TRPM4: variants seen among roughly 807,000 people sequenced by gnomAD.
The protein encoded by TRPM4 is transient receptor potential cation channel subfamily M member 4, also known as calcium-activated non-selective cation channel 1.
Under a neutral mutation model 135.6 loss-of-function variants are expected in TRPM4, and 124 were observed. That is an observed-to-expected ratio of 0.91 (90% CI 0.79 to 1.06). The LOEUF (loss-of-function observed/expected upper bound fraction) is 1.06, where lower values mean the gene tolerates loss of function less well. Ranked by LOEUF, TRPM4 falls within the 50% of genes least tolerant of loss-of-function variation. TRPM4 has a pLI of 0.00. For missense variants in TRPM4, 1,658 were observed against 1,671.4 expected, an observed-to-expected ratio of 0.99 and a Z score of 0.14; for synonymous variants, 745 against 705.6, an observed-to-expected ratio of 1.06 and a Z score of -0.88.
At position 49,210,553 on chromosome 19, in the gene TRPM4, A is replaced by G; in HGVS notation, c.3328+148A>G. 7.1e-7 allele frequency: 1 copy of G among 1,416,540 alleles called. No individual in the cohort carries two copies. The highest frequency in any genetic ancestry group is 9.8e-7 in the Non-Finnish European group (1 of 1,022,214). The allele number at this position is 1,416,540 out of a possible 1,614,324, so 87.7% of individuals were successfully genotyped here. On this transcript the variant is annotated intron_variant, in intron 21 of 24. Coordinates refer to ENST00000252826, the MANE Select transcript of TRPM4 (RefSeq NM_017636.4). This position sits in a 1 kb window ranked among gnomAD's most constrained non-coding sequence, Gnocchi z 4.1. ...AAGCAACAAGGGGCGGAGCTTAAGC[A>G]CTGAGGGGCAGTGCTTACGGGTGAG...
chr19:49,170,013 TG>T (rs1368990903), intron 6 of TRPM4, among the ~76,000 whole-genome samples: 3 of 152,202 alleles, frequency 2.0e-5, no homozygotes, highest in African/African-American at 4.8e-5. Context: ...TCCAATTTTC[TG>T]GGAATACAAG....
chr19:49,164,289 CCCTCCCTT>C (rs199582686), intron 2 of TRPM4, among the ~76,000 whole-genome samples: 6,987 of 110,442 alleles, frequency 0.063, 329 homozygotes, highest in East Asian at 0.14. Context: ...CTCCCTCCCT[CCCTCCCTT>C]CCTTCCTTCC....
chr19:49,169,570 C>T (rs574152002), intron 6 of TRPM4, among the ~76,000 whole-genome samples: 13 of 148,236 alleles, frequency 8.8e-5, no homozygotes, highest in South Asian at 2.2e-4. Context: ...TGTGAGCCAC[C>T]GCGCCCGGCC....
At chr19:49,199,328 G>T (rs1968825491) in intron 17 of TRPM4, among the ~76,000 whole-genome samples, 1 of 151,844 alleles carries the variant, frequency 6.6e-6, no homozygotes, top group Non-Finnish European at 1.5e-5. Flanking sequence ...GCGCGATCTC[G>T]GCTCACTGCA....
intron 12 of TRPM4, among the ~76,000 whole-genome samples, chr19:49,186,538 C>T (rs950327882): frequency 6.6e-6 from 1 of 152,148 alleles, no homozygotes; most frequent in African/African-American, 2.4e-5. Context: ...TACTGTGAGT[C>T]CTTGCCTCAG....
At position 49,168,588 on chromosome 19, in the gene TRPM4, C is replaced by G. The variant is rs1600411384; in HGVS notation, c.648C>G (p.Asp216Glu). ...CTGCGAGGTACCGGTGGCGCGGTGACCCGGAGGACGGGGTCCAGTTTCCCC... is the reference window on the plus strand; with the variant it reads ...CTGCGAGGTACCGGTGGCGCGGTGAGCCGGAGGACGGGGTCCAGTTTCCCC... The part of the protein sequence containing the change: ...SFPARYRWRG[D>E]PEDGVQFPLD... Residue 216 changes from aspartate (D) to glutamate (E), a missense_variant, in exon 6 of 25, where the codon GAC becomes GAG. Asp to Glu is a conservative substitution (Grantham distance 45). Around this residue, in one of 3 missense-constraint regions of TRPM4, gnomAD observed 1,412 missense variants for 1,408.7 expected, o/e 1.00. Coordinates refer to ENST00000252826, the MANE Select transcript of TRPM4 (RefSeq NM_017636.4). 1 of 1,613,790 alleles carries G rather than the reference C, an allele frequency of 6.2e-7. No homozygotes were observed. The highest frequency in any genetic ancestry group is 2.2e-5 in the East Asian group (1 of 44,870).
rs752511734 is a variant in TRPM4 at position 49,210,787 on chromosome 19, C to T, written c.3406C>T (p.Arg1136Cys). The change falls in exon 22 of 25, where the codon CGC becomes TGC. Residue 1136 changes from arginine to cysteine, a missense_variant. This residue lies in a region of TRPM4 where 1,412 missense variants were observed against 1,408.7 expected (regional missense o/e 1.00). Coordinates refer to ENST00000252826, the MANE Select transcript of TRPM4 (RefSeq NM_017636.4). The surrounding 1 kb of genome is among the most constrained non-coding windows in gnomAD (Gnocchi z 4.1). The stretch of plus-strand genomic sequence containing the variant: ...GCATAAGGAGAACTTTCTGCTGGCA[C>T]GCGCTAGGGACAAGCGGGAGAGCGA... ...SVHKENFLLA[R>C]ARDKRESDSE... 3 of 1,613,872 alleles carry T rather than the reference C, an allele frequency of 1.9e-6. No individual in the cohort carries two copies. The highest frequency in any genetic ancestry group is 2.5e-6 in the Non-Finnish European group (3 of 1,180,026).
At chr19:49,203,946 G>A (rs1969050233) in intron 20 of TRPM4, among the ~76,000 whole-genome samples, 7 of 151,930 alleles carry the variant, frequency 4.6e-5, no homozygotes, top group Admixed American at 4.6e-4. Context: ...TGGCCAACGT[G>A]GCAGGACCCC....
chr19:49,208,895 C>T (rs1216220606), intron 20 of TRPM4, among the ~76,000 whole-genome samples: 1 of 149,520 alleles, frequency 6.7e-6, no homozygotes, highest in African/African-American at 2.5e-5. Context: ...GGAGGCGGAG[C>T]TTGCAGTGAG....
intron 3 of TRPM4, among the ~76,000 whole-genome samples, chr19:49,166,869 C>A (rs1481924987): frequency 8.4e-6 from 1 of 119,446 alleles, no homozygotes; most frequent in Admixed American, 8.3e-5. Context: ...TCTGTTTCCC[C>A]CTCTCTCTGG....
At position 49,171,821 on chromosome 19, in the gene TRPM4, AC is replaced by A; in HGVS notation, c.1050+53del. Reference sequence around the variant, plus strand: ...ATCCTGAGATGGGAGGGAACTGGGGACTTGGGCTCCTGGGTCTGAGGGAGGA... The same window carrying A: ...ATCCTGAGATGGGAGGGAACTGGGGATTGGGCTCCTGGGTCTGAGGGAGGA... On this transcript the variant is annotated intron_variant, in intron 8 of 24. Coordinates refer to ENST00000252826, the MANE Select transcript of TRPM4 (RefSeq NM_017636.4). The surrounding 1 kb of genome is among the most constrained non-coding windows in gnomAD (Gnocchi z 4.7). 1 of 1,575,318 alleles carries A rather than the reference AC, an allele frequency of 6.3e-7. No homozygotes were observed. The highest frequency in any genetic ancestry group is 8.7e-7 in the Non-Finnish European group (1 of 1,155,188).
intron 2 of TRPM4, among the ~76,000 whole-genome samples, chr19:49,163,461 T>C (rs1420449264): frequency 6.6e-6 from 1 of 152,118 alleles, no homozygotes; most frequent in African/African-American, 2.4e-5. Flanking sequence ...CCCAAAGTGC[T>C]GGGATTACAG....
intron 16 of TRPM4, among the ~76,000 whole-genome samples, chr19:49,192,884 A>G (rs909106014): frequency 2.0e-5 from 3 of 152,108 alleles, no homozygotes; most frequent in Admixed American, 2.0e-4. Context: ...GAAGGGAAAA[A>G]CTAAGATAAA....
In TRPM4 at chr19:49,189,018, G is replaced by T; in HGVS notation, c.1946G>T (p.Trp649Leu). 6 of 1,614,082 alleles carry T rather than the reference G, an allele frequency of 3.7e-6. No individual in the cohort carries two copies. Among genetic ancestry groups the T allele is most frequent in the Non-Finnish European group, 3.4e-6 (4 of 1,180,008 alleles). Residue 649 changes from tryptophan to leucine, a missense_variant, in exon 14 of 25, where the codon TGG (tryptophan) becomes TTG (leucine). Physicochemically the swap from Trp to Leu is moderately conservative, Grantham distance 61 (BLOSUM62 -2). Around this residue, in one of 3 missense-constraint regions of TRPM4, gnomAD observed 1,412 missense variants for 1,408.7 expected, o/e 1.00. Transcript: ENST00000252826. ...CTCCTCCTCCGTCGCTGCCCGCTCT[G>T]GGGGGATGCCACTTGCCTCCAGCTG... ...ARLLLRRCPL[W>L]GDATCLQLAM...
Position 49,168,293 on chromosome 19 carries a change from G to A in TRPM4, c.482G>A (p.Gly161Asp). ...AWIVTGGLHT[G>D]IGRHVGVAVR... is the part of the protein sequence containing the mutation. ...ATTGTCACTGGGGGTCTGCACACGG[G>A]CATCGGCCGGCATGTTGGTGTGGCT... Residue 161 changes from glycine (G) to aspartate (D), a missense_variant, in exon 5 of 25, where the codon GGC becomes GAC. By Grantham distance (94) the Gly-to-Asp change is moderately conservative (BLOSUM62 -1). Around this residue, in one of 3 missense-constraint regions of TRPM4, gnomAD observed 239 missense variants for 240.1 expected, o/e 1.00. Coordinates refer to ENST00000252826, the MANE Select transcript of TRPM4 (RefSeq NM_017636.4). The A allele has an allele frequency of 4.3e-6, 7 of 1,614,182 alleles. No homozygotes were observed. The highest frequency in any genetic ancestry group is 5.9e-6 in the Non-Finnish European group (7 of 1,180,042).
In TRPM4 at chr19:49,196,732, G is replaced by A. The variant is rs1343094946; in HGVS notation, c.2503G>A (p.Gly835Arg). ...LCEELRQGLS[G>R]GGGSLASGGP... ...CGAGGAACTGCGCCAGGGCCTGAGC[G>A]GAGGCGGGGGCAGCCTCGCCAGCGG... The change falls in exon 17 of 25, where the codon GGA becomes AGA. Residue 835 changes from glycine (G) to arginine (R), a missense_variant. This residue lies in a region of TRPM4 where 1,412 missense variants were observed against 1,408.7 expected (regional missense o/e 1.00). Coordinates refer to ENST00000252826, the MANE Select transcript of TRPM4 (RefSeq NM_017636.4). 3.9e-6 allele frequency: 6 copies of A among 1,551,130 alleles called. No individual in the cohort carries two copies. Among genetic ancestry groups the A allele is most frequent in the Non-Finnish European group, 5.2e-6 (6 of 1,154,924 alleles).
At position 49,182,709 on chromosome 19, in the gene TRPM4, C is replaced by A. The variant is rs1307664288; in HGVS notation, c.1395C>A (p.Ser465Arg). 1.2e-6 allele frequency: 2 copies of A among 1,614,054 alleles called. No homozygotes were observed. Among genetic ancestry groups the A allele is most frequent in the Non-Finnish European group, 1.7e-6 (2 of 1,180,036 alleles). The change falls in exon 11 of 25, where the codon AGC (serine) becomes AGA (arginine). Residue 465 changes from serine to arginine, a missense_variant. This residue lies in a region of TRPM4 where 1,412 missense variants were observed against 1,408.7 expected (regional missense o/e 1.00). Coordinates refer to ENST00000252826, the MANE Select transcript of TRPM4 (RefSeq NM_017636.4). Reference protein sequence around the residue: ...LTPMRLAQLYSAAPSNSLIRN... With the variant: ...LTPMRLAQLYRAAPSNSLIRN... Reference sequence around the variant, plus strand: ...CGATGCGCCTGGCCCAACTCTACAGCGCGGCGCCCTCCAACTCGCTCATCC... The same window carrying A: ...CGATGCGCCTGGCCCAACTCTACAGAGCGGCGCCCTCCAACTCGCTCATCC...
chr19:49,174,676 C>T lies in TRPM4; in HGVS notation c.1150+2568C>T, dbSNP rs569571021. On this transcript the variant is annotated intron_variant, in intron 9 of 24. Coordinates refer to ENST00000252826, the MANE Select transcript of TRPM4 (RefSeq NM_017636.4). ...ACTTGGGTGGCTGAGGCAGGGGAAT[C>T]GCTCGAACCTAGGAGGCAGATTGTG... Among the ~76,000 whole-genome samples the T allele has an allele frequency of 3.3e-5, 5 of 150,002 alleles. No individual in the cohort carries two copies. The South Asian group carries it at 1.1e-3, about 32-fold the overall frequency.
At chr19:49,160,441 G>A (rs12979449) in intron 2 of TRPM4, among the ~76,000 whole-genome samples, 10,821 of 147,254 alleles carry the variant, frequency 0.073, 545 homozygotes, top group Non-Finnish European at 0.1. Flanking sequence ...CAGAGATCAC[G>A]TCACTGCACT....
Sources: allele counts gnomAD v4.1 joint callset (sites outside exome capture counted in the v4.1 genomes callset), GRCh38; gene constraint gnomAD v4.1.1; regional missense constraint gnomAD v4.1.1; non-coding constraint Gnocchi (gnomAD v3.1); transcripts MANE v1.5; gene names NCBI Gene and HGNC (gene_info 2026-07-23, HGNC 2026-07-21).